Variants in MAML3 observed in about 807,000 individuals in gnomAD.
MAML3 encodes the protein mastermind-like protein 3.
Under a neutral mutation model 101.9 loss-of-function variants are expected in MAML3, and 27 were observed. That is an observed-to-expected ratio of 0.27 (90% CI 0.20 to 0.37). The LOEUF (loss-of-function observed/expected upper bound fraction) is 0.37. Ranked by LOEUF, MAML3 falls within the 10% of genes least tolerant of loss-of-function variation. MAML3 has a pLI of 1.00. For missense variants in MAML3, 1,316 were observed against 1,444.9 expected (o/e 0.91, Z 1.45); for synonymous variants, 501 against 555.9 (o/e 0.90, Z 1.39).
intron 1 of MAML3, among the ~76,000 whole-genome samples, chr4:139,995,300 A>G (rs1734786129): frequency 6.6e-6 from 1 of 152,162 alleles, no homozygotes; most frequent in Non-Finnish European, 1.5e-5. Context: ...CAATTTGCTA[A>G]TATTTTGTTA....
intron 1 of MAML3, among the ~76,000 whole-genome samples, chr4:140,104,350 ACC>A (rs1425165732): frequency 5.1e-5 from 6 of 116,976 alleles, no homozygotes; most frequent in East Asian, 2.3e-4. Flanking sequence ...CAAAAAAAAA[ACC>A]AAACCTATTT....
At chr4:140,106,980 C>T (rs189961015) in intron 1 of MAML3, among the ~76,000 whole-genome samples, 76 of 152,228 alleles carry the variant, frequency 5.0e-4, no homozygotes, top group African/African-American at 1.8e-3. Context: ...AAGCGATTCT[C>T]CAGCCTCAGT....
At chr4:139,837,460 T>C (rs1731275364) in intron 2 of MAML3, among the ~76,000 whole-genome samples, 1 of 152,052 alleles carries the variant, frequency 6.6e-6, no homozygotes, top group African/African-American at 2.4e-5. Context: ...ATCATGCCAC[T>C]GCACTCTAGC....
intron 2 of MAML3, among the ~76,000 whole-genome samples, chr4:139,761,820 G>C (rs141061843): frequency 3.3e-5 from 5 of 152,288 alleles, no homozygotes; most frequent in African/African-American, 1.2e-4. Context: ...GCTGGGTCAA[G>C]GGGAGTCAGG....
chr4:139,920,333 C>T (rs1015506219), intron 1 of MAML3, among the ~76,000 whole-genome samples: 1 of 152,194 alleles, frequency 6.6e-6, no homozygotes, highest in Non-Finnish European at 1.5e-5. Flanking sequence ...ACCAAGGACA[C>T]GTGCTTCTTC....
intron 1 of MAML3, among the ~76,000 whole-genome samples, chr4:140,050,276 T>C (rs1164390001): frequency 6.6e-6 from 1 of 151,904 alleles, no homozygotes; most frequent in Non-Finnish European, 1.5e-5. Flanking sequence ...GCATAACATC[T>C]AACAGCCTAG....
intron 1 of MAML3, among the ~76,000 whole-genome samples, chr4:140,078,419 G>C (rs111662133): frequency 6.6e-6 from 1 of 152,150 alleles, no homozygotes; most frequent in Non-Finnish European, 1.5e-5. Flanking sequence ...CCCACACAGA[G>C]CTTTGAGGAA....
intron 1 of MAML3, among the ~76,000 whole-genome samples, chr4:140,073,569 G>A (rs760579667): frequency 4.6e-5 from 7 of 152,092 alleles, no homozygotes; most frequent in Non-Finnish European, 7.4e-5. Context: ...GAGGTATTGT[G>A]CCAGGCACCC....
intron 2 of MAML3, among the ~76,000 whole-genome samples, chr4:139,747,903 A>C (rs1157095793): frequency 5.3e-5 from 8 of 150,152 alleles, no homozygotes; most frequent in Non-Finnish European, 1.2e-4. Context: ...AAAATACAAA[A>C]ATTAGCTGGG....
chr4:139,910,490 G>T lies in MAML3; in HGVS notation c.469-19523C>A, dbSNP rs992690222. Among the ~76,000 whole-genome samples, 25 of 148,890 alleles carry T rather than the reference G, an allele frequency of 1.7e-4. 1 individual carries two copies. Among genetic ancestry groups the T allele is most frequent in the African/African-American group, 4.7e-4 (18 of 38,322 alleles). ...AATTCAAATTTATTTAAATACTGAG[G>T]TATTTATTTTTAAATAAATTCAAAG... is the stretch of plus-strand genomic sequence containing the variant. On this transcript the variant is annotated intron_variant, in intron 1 of 4. Coordinates refer to ENST00000509479, the MANE Select transcript of MAML3 (RefSeq NM_018717.5).
In MAML3 at chr4:139,884,939, A is replaced by T. The variant is rs1006619904; in HGVS notation, c.2079+4418T>A. 1.1e-4 allele frequency among the ~76,000 whole-genome samples: 16 copies of T among 152,274 alleles called. 1 individual carries two copies. Among genetic ancestry groups the T allele is most frequent in the African/African-American group, 2.9e-4 (12 of 41,478 alleles). ...TGTGTGTGTAAGAGAGAAGAGAGAG[A>T]GATCCTGCCCTTGAGAAACAACAGG... On this transcript the variant is annotated intron_variant, in intron 2 of 4. Transcript: ENST00000509479.
chr4:140,034,063 C>T (rs1726947222), intron 1 of MAML3, among the ~76,000 whole-genome samples: 1 of 152,198 alleles, frequency 6.6e-6, no homozygotes, highest in South Asian at 2.1e-4. Context: ...ACAGCAACAA[C>T]AGCTTTGTAT....
intron 1 of MAML3, among the ~76,000 whole-genome samples, chr4:140,006,776 T>A (rs1011817044): frequency 6.6e-6 from 1 of 152,092 alleles, no homozygotes. Context: ...TGATATTCTA[T>A]AGTCGTCTAT....
intron 1 of MAML3, among the ~76,000 whole-genome samples, chr4:139,937,392 GTT>G (rs949562371): frequency 7.0e-6 from 1 of 143,594 alleles, no homozygotes; most frequent in African/African-American, 2.5e-5. Flanking sequence ...TAGCAAAGGA[GTT>G]TTTTTTTTTT....
chr4:139,846,524 T>G (rs985800255), intron 2 of MAML3, among the ~76,000 whole-genome samples: 1 of 152,082 alleles, frequency 6.6e-6, no homozygotes, highest in Non-Finnish European at 1.5e-5. Flanking sequence ...AGTTTTGTAT[T>G]TTTTGCAGAG....
At chr4:140,045,373 C>T (rs952101297) in intron 1 of MAML3, among the ~76,000 whole-genome samples, 14 of 126,812 alleles carry the variant, frequency 1.1e-4, no homozygotes, top group Admixed American at 9.0e-4. Context: ...TCAGCCTGGG[C>T]GACAGAGCAA....
At chr4:139,980,493 A>T (rs1734425738) in intron 1 of MAML3, among the ~76,000 whole-genome samples, 1 of 152,164 alleles carries the variant, frequency 6.6e-6, no homozygotes, top group Non-Finnish European at 1.5e-5. Flanking sequence ...ATGGAGTCCA[A>T]ACATATTAAA....
chr4:139,873,084 A>AAAATAAATAAAT (rs576589955), intron 2 of MAML3, among the ~76,000 whole-genome samples: 2 of 151,900 alleles, frequency 1.3e-5, no homozygotes, highest in African/African-American at 4.8e-5. Flanking sequence ...TCCATCTCAA[A>AAAATAAATAAAT]AAATAAATAA....
At chr4:139,724,052 A>G (rs973081012) in intron 4 of MAML3, among the ~76,000 whole-genome samples, 1 of 152,220 alleles carries the variant, frequency 6.6e-6, no homozygotes, top group African/African-American at 2.4e-5. Context: ...GAAGCTACCC[A>G]TGGCAAAATT....
Sources: allele counts gnomAD v4.1 joint callset (sites outside exome capture counted in the v4.1 genomes callset), GRCh38; gene constraint gnomAD v4.1.1; transcripts MANE v1.5; gene names NCBI Gene and HGNC (gene_info 2026-07-23, HGNC 2026-07-21).